GRPR: variants seen among roughly 807,000 people sequenced by gnomAD.
GRPR encodes the protein gastrin-releasing peptide receptor.
GRPR carries 4 observed loss-of-function variants against 15.6 expected under a neutral mutation model. That is an observed-to-expected ratio of 0.26 (90% confidence interval 0.13 to 0.59). GRPR has a LOEUF of 0.59. Ranked by LOEUF, GRPR falls within the 20% of genes least tolerant of loss-of-function variation. GRPR has a pLI of 0.90. For synonymous variants in GRPR, 128 were observed against 126.8 expected (o/e 1.01, Z -0.06); for missense variants, 270 against 304.1 (o/e 0.89, Z 0.83).
chrX:16,125,220 C>T lies in GRPR; in HGVS notation c.413+854C>T, dbSNP rs144418104. On this transcript the variant is annotated intron_variant, in intron 1 of 2. Transcript: ENST00000380289. ...CATTCTTTGAACATTTATCAAGTGT[C>T]TAGCATGTAAGAAACACTTACCTGA... Among the ~76,000 whole-genome samples the T allele has an allele frequency of 7.5e-4, 84 of 112,496 alleles. 1 individual carries two copies. The East Asian group carries it at 0.021, about 28-fold the overall frequency.
chrX:16,151,989 C>T (rs913638224), intron 2 of GRPR, among the ~76,000 whole-genome samples: 8 of 111,345 alleles, frequency 7.2e-5, no homozygotes, highest in Admixed American at 1.9e-4. Context: ...TATTCTTCCT[C>T]GTGGGTTTCT....
Position 16,152,529 on chromosome X carries a change from C to T in GRPR, c.1039C>T (p.Arg347Trp), listed in dbSNP as rs199603772. Residue 347 changes from arginine to tryptophan, a missense_variant, in exon 3 of 3, where the codon CGG becomes TGG. Arg to Trp is a moderately radical substitution (Grantham distance 101). Transcript: ENST00000380289. Reference sequence around the variant, plus strand: ...CTGTTGCCAGCCTGGCCTGATCATCCGGTCTCACAGCACTGGAAGGAGTAC... The same window carrying T: ...CTGTTGCCAGCCTGGCCTGATCATCTGGTCTCACAGCACTGGAAGGAGTAC... Reference protein sequence around the residue: ...LLCCQPGLIIRSHSTGRSTTC... With the variant: ...LLCCQPGLIIWSHSTGRSTTC... The T allele has an allele frequency of 8.1e-5, 98 of 1,207,776 alleles. No homozygotes were observed. The highest frequency in any genetic ancestry group is 1.8e-4 in the East Asian group (6 of 33,780).
chrX:16,147,911 G>C (rs1471917892), intron 1 of GRPR, among the ~76,000 whole-genome samples: 1 of 111,868 alleles, frequency 8.9e-6, no homozygotes, highest in Non-Finnish European at 1.9e-5. Context: ...TTAGCCATAT[G>C]CATCTTTGGC....
At chrX:16,127,395 A>G (rs1026281136) in intron 1 of GRPR, among the ~76,000 whole-genome samples, 3 of 111,827 alleles carry the variant, frequency 2.7e-5, no homozygotes, top group African/African-American at 9.8e-5. Context: ...GGATTTGCAC[A>G]GCTGAGCAGT....
chrX:16,138,171 A>T (rs141505363), intron 1 of GRPR, among the ~76,000 whole-genome samples: 1 of 111,704 alleles, frequency 9.0e-6, no homozygotes, highest in Non-Finnish European at 1.9e-5. Context: ...TTTTAGCATG[A>T]TGTGTTGCAC....
At chrX:16,127,762 T>A (rs1434560652) in intron 1 of GRPR, among the ~76,000 whole-genome samples, 1 of 111,838 alleles carries the variant, frequency 8.9e-6, no homozygotes, top group Non-Finnish European at 1.9e-5. Context: ...AGCTAGGCAA[T>A]GTCTATGGTC....
intron 1 of GRPR, among the ~76,000 whole-genome samples, chrX:16,128,079 T>C (rs183294809): frequency 1.6e-4 from 18 of 112,619 alleles, no homozygotes; most frequent in African/African-American, 4.2e-4. Flanking sequence ...AAATCTTCCA[T>C]AGTGCCCCTC....
rs934908219 is a variant in GRPR at position 16,153,097 on chromosome X, G to T, written c.*452G>T. 7.0e-6 allele frequency: 1 copy of T among 143,331 alleles called. No homozygotes were observed. The highest frequency in any genetic ancestry group is 1.4e-5 in the Non-Finnish European group (1 of 71,819). The allele number at this position is 143,331 out of a possible 1,213,427, so 11.8% of individuals were successfully genotyped here. A position where few individuals can be genotyped will look rare whatever the true frequency, so the allele number is the denominator to read the frequency against. On this transcript the variant is annotated 3_prime_UTR_variant, in exon 3 of 3. Coordinates refer to ENST00000380289, the MANE Select transcript of GRPR (RefSeq NM_005314.3). ...AAATATAACTTGACTCTGTTTTCAG[G>T]AATATCTGTAATACACAAACCAAGG... is the stretch of plus-strand genomic sequence containing the variant.
At position 16,137,372 on chromosome X, in the gene GRPR, G is replaced by T. The variant is rs145169301; in HGVS notation, c.414-12933G>T. The stretch of plus-strand genomic sequence containing the variant: ...GTTGTTTAAATGAAACAAGTAAGAG[G>T]GTTTTAAATGGAGGTTTAGCTGGAT... On this transcript the variant is annotated intron_variant, in intron 1 of 2. Coordinates refer to ENST00000380289, the MANE Select transcript of GRPR (RefSeq NM_005314.3). 7.1e-3 allele frequency among the ~76,000 whole-genome samples: 794 copies of T among 111,890 alleles called. 11 individuals are homozygous for T. The highest frequency in any genetic ancestry group is 0.025 in the African/African-American group (764 of 30,767).
intron 1 of GRPR, among the ~76,000 whole-genome samples, chrX:16,128,954 A>G (rs896325143): frequency 2.7e-5 from 3 of 112,201 alleles, no homozygotes; most frequent in African/African-American, 9.7e-5. Context: ...TTTCTTTTCC[A>G]GTAAGTGTAA....
chrX:16,129,476 G>T lies in GRPR; in HGVS notation c.413+5110G>T, dbSNP rs377455365. ...GAGAACACTTCAGTCATTGCAGAGG[G>T]CTCTATTGGACAGTTTAGAAAAGAG... On this transcript the variant is annotated intron_variant, in intron 1 of 2. Transcript: ENST00000380289. Among the ~76,000 whole-genome samples the T allele has an allele frequency of 3.6e-5, 4 of 111,793 alleles. No individual in the cohort carries two copies. In the South Asian group the frequency reaches 1.1e-3, roughly 31 times the overall value.
intron 1 of GRPR, among the ~76,000 whole-genome samples, chrX:16,147,021 T>G (rs1348782735): frequency 2.7e-5 from 3 of 111,940 alleles, no homozygotes; most frequent in Non-Finnish European, 5.6e-5. Flanking sequence ...TAGATTCTAT[T>G]CTCTGCTTGG....
At chrX:16,144,026 C>T (rs781180348) in intron 1 of GRPR, among the ~76,000 whole-genome samples, 1 of 111,315 alleles carries the variant, frequency 9.0e-6, no homozygotes. Context: ...GCATTGGAGC[C>T]CAGAGGAAAC....
intron 1 of GRPR, 142 bp from the exon 2 acceptor site, chrX:16,150,161 TCA>T (rs1312090622): frequency 2.1e-6 from 1 of 486,489 alleles, no homozygotes; most frequent in African/African-American, 2.4e-5. Context: ...GTCACAGAGC[TCA>T]GAGTCGGCAC....
At chrX:16,148,650 T>C (rs748771927) in intron 1 of GRPR, among the ~76,000 whole-genome samples, 1 of 111,837 alleles carries the variant, frequency 8.9e-6, no homozygotes, top group South Asian at 3.8e-4. Flanking sequence ...ACTTCCACAT[T>C]ATAGTAGCTC....
chrX:16,123,697 G>A lies in GRPR; in HGVS notation c.-257G>A, dbSNP rs757305662. The A allele has an allele frequency of 5.3e-6, 2 of 374,555 alleles. No homozygotes were observed. The highest frequency in any genetic ancestry group is 9.3e-6 in the Non-Finnish European group (2 of 215,241). 30.9% of individuals were successfully genotyped at this position (374,555 alleles called of 1,213,427 possible). On this transcript the variant is annotated 5_prime_UTR_variant, in exon 1 of 3. Coordinates refer to ENST00000380289, the MANE Select transcript of GRPR (RefSeq NM_005314.3). ...GGGTTTAATTCTAAGCCTTTTTGTG[G>A]CTAAGTTTTGTTGTTGTTAACTTAT...
chrX:16,129,144 T>C (rs752388294), intron 1 of GRPR, among the ~76,000 whole-genome samples: 1 of 112,081 alleles, frequency 8.9e-6, no homozygotes, highest in East Asian at 2.8e-4. Context: ...ATGGAAAGAC[T>C]GGTTATAAGT....
chrX:16,133,205 G>A (rs765857217), intron 1 of GRPR, among the ~76,000 whole-genome samples: 1 of 110,393 alleles, frequency 9.1e-6, no homozygotes, highest in Non-Finnish European at 1.9e-5. Context: ...TTTCTTTTAG[G>A]GGCTTCCCTA....
chrX:16,139,485 C>T (rs1252468651), intron 1 of GRPR, among the ~76,000 whole-genome samples: 1 of 109,917 alleles, frequency 9.1e-6, no homozygotes, highest in Non-Finnish European at 1.9e-5. Context: ...TACTTGTCAG[C>T]TATCGTTAGT....
Sources: allele counts gnomAD v4.1 joint callset (sites outside exome capture counted in the v4.1 genomes callset), GRCh38; gene constraint gnomAD v4.1.1; transcripts MANE v1.5; gene names NCBI Gene and HGNC (gene_info 2026-07-23, HGNC 2026-07-21).